Variants in TMEM132D observed in about 807,000 individuals in gnomAD.
TMEM132D encodes the protein mature OL transmembrane protein.
TMEM132D carries 21 observed loss-of-function variants against 62.3 expected under a neutral mutation model. That is an observed-to-expected ratio of 0.34 (90% CI 0.24 to 0.49). TMEM132D has a LOEUF of 0.49. TMEM132D is among the 20% of genes least tolerant of loss of function. The pLI is 0.99. For missense variants in TMEM132D, 1,346 were observed against 1,402.8 expected, an observed-to-expected ratio of 0.96 and a Z score of 0.65; for synonymous variants, 621 against 575.6, an observed-to-expected ratio of 1.08 and a Z score of -1.13.
chr12:129,443,259 C>T (rs1872991525), intron 3 of TMEM132D, among the ~76,000 whole-genome samples: 3 of 152,178 alleles, frequency 2.0e-5, no homozygotes, highest in African/African-American at 4.8e-5. Context: ...CCTCTGAAGA[C>T]AAGTGTGTCT....
chr12:129,671,822 G>C (rs574551137), intron 2 of TMEM132D, among the ~76,000 whole-genome samples: 7 of 152,326 alleles, frequency 4.6e-5, no homozygotes, highest in African/African-American at 1.7e-4. Flanking sequence ...TTGAAAGAAG[G>C]AGAAAGGAAA....
chr12:129,159,133 A>C lies in TMEM132D; in HGVS notation c.1443+50387T>G, dbSNP rs558818706. 2.6e-5 allele frequency among the ~76,000 whole-genome samples: 4 copies of C among 152,314 alleles called. No homozygotes were observed. The South Asian group carries it at 8.3e-4, about 32-fold the overall frequency. ...ATCAATTGTTTCAAATGTAGCTGAG[A>C]CTTCAAGTAGATGAGGATGGACAAT... is the stretch of plus-strand genomic sequence containing the variant. On this transcript the variant is annotated intron_variant, in intron 5 of 8. Coordinates refer to ENST00000422113, the MANE Select transcript of TMEM132D (RefSeq NM_133448.3).
chr12:129,621,528 C>T (rs1283984775), intron 2 of TMEM132D, among the ~76,000 whole-genome samples: 2 of 152,268 alleles, frequency 1.3e-5, no homozygotes, highest in South Asian at 2.1e-4. Flanking sequence ...CTTGCACCAC[C>T]GATGCACCCA....
At chr12:129,608,057 C>A (rs1272838329) in intron 2 of TMEM132D, among the ~76,000 whole-genome samples, 2 of 152,178 alleles carry the variant, frequency 1.3e-5, no homozygotes, top group South Asian at 2.1e-4. Flanking sequence ...ACAGATAACA[C>A]ATTGCAAGAA....
intron 4 of TMEM132D, among the ~76,000 whole-genome samples, chr12:129,327,349 A>G (rs1868948709): frequency 6.6e-6 from 1 of 152,246 alleles, no homozygotes; most frequent in South Asian, 2.1e-4. Context: ...AACGATGTGA[A>G]TTTCCCTGAT....
intron 5 of TMEM132D, among the ~76,000 whole-genome samples, chr12:129,135,291 G>T (rs115941488): frequency 0.01 from 1,540 of 152,226 alleles, 30 homozygotes; most frequent in African/African-American, 0.035. Context: ...CAAGAGTTTT[G>T]AGTGACATGG....
At chr12:129,402,267 G>A (rs1414677086) in intron 3 of TMEM132D, among the ~76,000 whole-genome samples, 1 of 152,174 alleles carries the variant, frequency 6.6e-6, no homozygotes, top group African/African-American at 2.4e-5. Context: ...CGTCCCTGAG[G>A]TCTGCACAAA....
chr12:129,214,162 A>G (rs1879137770), intron 4 of TMEM132D, among the ~76,000 whole-genome samples: 1 of 152,238 alleles, frequency 6.6e-6, no homozygotes, highest in South Asian at 2.1e-4. Context: ...CTGCTGTGCT[A>G]GGGTACAAGG....
chr12:129,125,067 T>C (rs1876174459), intron 5 of TMEM132D, among the ~76,000 whole-genome samples: 1 of 152,190 alleles, frequency 6.6e-6, no homozygotes, highest in African/African-American at 2.4e-5. Flanking sequence ...GGAGGGGGGA[T>C]GTCTGGCTTT....
chr12:129,887,199 G>A (rs1006716348), intron 1 of TMEM132D, among the ~76,000 whole-genome samples: 3 of 152,134 alleles, frequency 2.0e-5, no homozygotes, highest in Non-Finnish European at 4.4e-5. Context: ...GCACTGGCAG[G>A]AGGAGAGGAG....
chr12:129,320,990 C>T (rs970736247), intron 4 of TMEM132D, among the ~76,000 whole-genome samples: 1 of 152,158 alleles, frequency 6.6e-6, no homozygotes, highest in Non-Finnish European at 1.5e-5. Context: ...ACCTACCTAC[C>T]TACCTACCTG....
At chr12:129,309,249 T>A (rs1394791383) in intron 4 of TMEM132D, among the ~76,000 whole-genome samples, 1 of 152,194 alleles carries the variant, frequency 6.6e-6, no homozygotes, top group African/African-American at 2.4e-5. Flanking sequence ...TTTTTGTAAG[T>A]TTAGTTGATT....
intron 4 of TMEM132D, among the ~76,000 whole-genome samples, chr12:129,332,587 GT>G (rs1869144458): frequency 6.6e-6 from 1 of 152,132 alleles, no homozygotes; most frequent in Non-Finnish European, 1.5e-5. Flanking sequence ...TACTTACTTA[GT>G]TGTGCTGTGT....
intron 4 of TMEM132D, among the ~76,000 whole-genome samples, chr12:129,320,145 G>A (rs1566032238): frequency 2.0e-5 from 3 of 152,134 alleles, no homozygotes. Context: ...TCAAAATAGG[G>A]TGCTGAAAAT....
chr12:129,544,151 G>C (rs1876669126), intron 2 of TMEM132D, among the ~76,000 whole-genome samples: 1 of 152,156 alleles, frequency 6.6e-6, no homozygotes, highest in African/African-American at 2.4e-5. Context: ...TTGCAATTCT[G>C]ATGAACACAG....
At chr12:129,816,559 A>T (rs1872350486) in intron 1 of TMEM132D, among the ~76,000 whole-genome samples, 1 of 152,244 alleles carries the variant, frequency 6.6e-6, no homozygotes, top group Non-Finnish European at 1.5e-5. Context: ...AGAGACAGAA[A>T]AGTCAAAATA....
chr12:129,717,929 G>A (rs781114568), intron 1 of TMEM132D, among the ~76,000 whole-genome samples: 17 of 152,152 alleles, frequency 1.1e-4, no homozygotes, highest in Non-Finnish European at 2.2e-4. Flanking sequence ...TCAGTGAGCC[G>A]TGCTGGTCGC....
intron 5 of TMEM132D, among the ~76,000 whole-genome samples, chr12:129,180,387 C>T (rs1173727730): frequency 6.6e-6 from 1 of 152,184 alleles, no homozygotes; most frequent in Non-Finnish European, 1.5e-5. Flanking sequence ...CTGCCTCACT[C>T]ACGTACATGG....
intron 5 of TMEM132D, among the ~76,000 whole-genome samples, chr12:129,191,834 G>GCCCAAAA (rs1737112926): frequency 2.0e-5 from 3 of 152,262 alleles, no homozygotes; most frequent in African/African-American, 7.2e-5. Context: ...GGAAACTCAT[G>GCCCAAAA]AGGGGCAGGG....
Sources: gnomAD v4.1 joint callset for allele counts (sites outside exome capture counted in the v4.1 genomes callset) on GRCh38, gnomAD v4.1.1 for gene constraint, MANE v1.5 for transcripts, NCBI Gene and HGNC (gene_info 2026-07-23, HGNC 2026-07-21) for gene names.